PDE8A: variants seen among roughly 807,000 people sequenced by gnomAD.
The protein encoded by PDE8A is high affinity cAMP-specific and IBMX-insensitive 3',5'-cyclic phosphodiesterase 8A.
Under a neutral mutation model 105.0 loss-of-function variants are expected in PDE8A, and 59 were observed. That is an observed-to-expected ratio of 0.56 (90% CI 0.46 to 0.70). The LOEUF is 0.70. Among genes scored for constraint, PDE8A ranks in the 30% least tolerant of loss-of-function variants. The pLI, the probability that PDE8A is intolerant of heterozygous loss-of-function variation, is 0.00. For synonymous variants in PDE8A, 355 were observed against 371.9 expected, an observed-to-expected ratio of 0.95 and a Z score of 0.52; for missense variants, 1,014 against 1,045.9, an observed-to-expected ratio of 0.97 and a Z score of 0.42.
chr15:84,989,339 G>A (rs1451395015), intron 1 of PDE8A, among the ~76,000 whole-genome samples: 2 of 152,254 alleles, frequency 1.3e-5, no homozygotes, highest in African/African-American at 4.8e-5. Flanking sequence ...GTTGGAAATA[G>A]ACCTTTGCTG....
chr15:85,028,157 T>C (rs566622499), intron 1 of PDE8A, among the ~76,000 whole-genome samples: 1 of 152,364 alleles, frequency 6.6e-6, no homozygotes, highest in Admixed American at 6.5e-5. Context: ...TGTTATGATT[T>C]TCCTTAGGAG....
At chr15:85,119,463 C>A (rs1162034082) in intron 17 of PDE8A, among the ~76,000 whole-genome samples, 2 of 16,444 alleles carry the variant, frequency 1.2e-4, no homozygotes, top group Admixed American at 1.1e-3. Context: ...GCAAGACTCT[C>A]GTCTCAAAAA....
Position 85,138,081 on chromosome 15 carries a change from T to C in PDE8A, c.*178T>C. 1.9e-6 allele frequency: 1 copy of C among 540,226 alleles called. No individual in the cohort carries two copies. The highest frequency in any genetic ancestry group is 2.6e-5 in the South Asian group (1 of 38,616). The allele number at this position is 540,226 out of a possible 1,614,324, so 33.5% of individuals were successfully genotyped here. ...TGCAGCCACCATCCAATGCCATTAC[T>C]GTCAAGTGAGACTTGGCCACTGTAG... On this transcript the variant is annotated 3_prime_UTR_variant, in exon 22 of 22. Coordinates refer to ENST00000394553, the MANE Select transcript of PDE8A (RefSeq NM_002605.3).
rs137905415 is a variant in PDE8A, at chr15:85,116,005, A to G, written c.1421A>G (p.Asn474Ser). Residue 474 changes from asparagine to serine, a missense_variant, in exon 16 of 22, where the codon AAT becomes AGT. Physicochemically the swap from Asn to Ser is conservative, Grantham distance 46. Transcript: ENST00000394553. ...STKNTQMVSS[N>S]IITPISLDDV... is the part of the protein sequence containing the mutation. ...ACAGACACTCAAATGGTTTCAAGCA[A>G]TATAATCACTCCCATCTCCCTTGAT... 1.8e-4 allele frequency: 288 copies of G among 1,613,686 alleles called. No individual in the cohort carries two copies. In the African/African-American group the frequency reaches 3.0e-3, roughly 17 times the overall value.
intron 1 of PDE8A, among the ~76,000 whole-genome samples, chr15:84,994,662 T>G (rs2079946093): frequency 6.6e-6 from 1 of 152,214 alleles, no homozygotes; most frequent in Admixed American, 6.5e-5. Flanking sequence ...TTCTTTGATA[T>G]ATTTTAAAGT....
intron 2 of PDE8A, among the ~76,000 whole-genome samples, chr15:85,065,676 G>A (rs973417943): frequency 1.3e-5 from 2 of 152,188 alleles, no homozygotes; most frequent in South Asian, 4.1e-4. Flanking sequence ...CCTTAGGAGG[G>A]TTTCTGATAG....
At chr15:84,990,002 A>G (rs1437310444) in intron 1 of PDE8A, among the ~76,000 whole-genome samples, 1 of 152,162 alleles carries the variant, frequency 6.6e-6, no homozygotes, top group Non-Finnish European at 1.5e-5. Context: ...AGTAAGTTCC[A>G]CACATCAGTA....
chr15:85,067,314 T>G, intron 3 of PDE8A, 110 bp downstream of exon 3: 4 of 716,338 alleles, frequency 5.6e-6, no homozygotes, highest in Non-Finnish European at 9.0e-6. Flanking sequence ...TTTCCATGCA[T>G]GTGAAATAAA....
intron 1 of PDE8A, among the ~76,000 whole-genome samples, chr15:85,057,344 C>G (rs1204520074): frequency 6.6e-6 from 1 of 152,200 alleles, no homozygotes; most frequent in Non-Finnish European, 1.5e-5. Context: ...AGCTGTCAGA[C>G]AGGGACGTTT....
At chr15:85,012,474 C>G (rs1432223068) in intron 1 of PDE8A, among the ~76,000 whole-genome samples, 1 of 146,036 alleles carries the variant, frequency 6.8e-6, no homozygotes, top group Non-Finnish European at 1.5e-5. Flanking sequence ...CGCATGTTCT[C>G]ACTCATAGGT....
chr15:85,135,872 T>TA (rs199993435), intron 20 of PDE8A, among the ~76,000 whole-genome samples: 1 of 152,074 alleles, frequency 6.6e-6, no homozygotes, highest in Non-Finnish European at 1.5e-5. Context: ...TTTTTTTTTT[T>TA]AAACATCCAG....
chr15:85,132,855 TG>T (rs1322982306), intron 20 of PDE8A, among the ~76,000 whole-genome samples: 11 of 151,992 alleles, frequency 7.2e-5, no homozygotes, highest in Non-Finnish European at 1.0e-4. Flanking sequence ...TGTGTGTGTG[TG>T]TGTGTTTTTA....
chr15:85,023,779 C>T (rs1395049906), intron 1 of PDE8A, among the ~76,000 whole-genome samples: 1 of 152,022 alleles, frequency 6.6e-6, no homozygotes, highest in Non-Finnish European at 1.5e-5. Flanking sequence ...TTGACACCAC[C>T]AGGTTGATGG....
intron 13 of PDE8A, among the ~76,000 whole-genome samples, 156 bp downstream of exon 13, chr15:85,113,603 A>AC (rs1472389596): frequency 1.3e-5 from 2 of 152,228 alleles, no homozygotes; most frequent in African/African-American, 4.8e-5. Flanking sequence ...AGGATGTGTG[A>AC]CATGGGCATT....
At chr15:85,036,590 G>A (rs1326315587) in intron 1 of PDE8A, among the ~76,000 whole-genome samples, 1 of 152,116 alleles carries the variant, frequency 6.6e-6, no homozygotes, top group Non-Finnish European at 1.5e-5. Flanking sequence ...TTGACCTGGG[G>A]TCATTCTTAA....
chr15:85,119,530 T>C (rs1164926739), intron 17 of PDE8A, among the ~76,000 whole-genome samples: 2 of 148,454 alleles, frequency 1.3e-5, no homozygotes, highest in African/African-American at 4.9e-5. Context: ...GCACTTAAAA[T>C]TTAAATTATT....
At chr15:84,982,567 T>A (rs1185811360) in intron 1 of PDE8A, among the ~76,000 whole-genome samples, 1 of 152,144 alleles carries the variant, frequency 6.6e-6, no homozygotes, top group Non-Finnish European at 1.5e-5. Flanking sequence ...AGGGTTGCGA[T>A]TAGGACGCCG....
At position 85,100,400 on chromosome 15, in the gene PDE8A, C is replaced by G. The variant is rs190952272; in HGVS notation, c.1036+202C>G. 3.0e-3 allele frequency: 1,751 copies of G among 587,702 alleles called. 22 individuals carry two copies. The highest frequency in any genetic ancestry group is 0.023 in the South Asian group (1,049 of 45,260). 36.4% of individuals were successfully genotyped at this position (587,702 alleles called of 1,614,324 possible). A position where few individuals can be genotyped will look rare whatever the true frequency, so the allele number is the denominator to read the frequency against. On this transcript the variant is annotated intron_variant, in intron 11 of 21. Coordinates refer to ENST00000394553, the MANE Select transcript of PDE8A (RefSeq NM_002605.3). ...GCTTGTGAGCATTCTGATGGGTGCC[C>G]TGGGGCGGGTCTCTGAGCCTGCGAG... is the stretch of plus-strand genomic sequence containing the variant.
intron 12 of PDE8A, among the ~76,000 whole-genome samples, chr15:85,111,592 C>T (rs1433935329): frequency 1.3e-5 from 2 of 152,176 alleles, no homozygotes; most frequent in African/African-American, 2.4e-5. Flanking sequence ...CAATCAGTTA[C>T]TTATATAGTA....
Sources: allele counts gnomAD v4.1 joint callset (sites outside exome capture counted in the v4.1 genomes callset), GRCh38; gene constraint gnomAD v4.1.1; transcripts MANE v1.5; gene names NCBI Gene and HGNC (gene_info 2026-07-23, HGNC 2026-07-21).